UGT1A10: variants seen among roughly 807,000 people sequenced by gnomAD.
UGT1A10 encodes UDP-glucuronosyltransferase 1A10.
Under a neutral mutation model 45.8 loss-of-function variants are expected in UGT1A10, and 49 were observed. That is an observed-to-expected ratio of 1.07 (90% CI 0.85 to 1.36). The LOEUF (loss-of-function observed/expected upper bound fraction) is 1.36. Ranked by LOEUF, UGT1A10 falls within the 40% of genes most tolerant of loss-of-function variation. The probability of loss-of-function intolerance (pLI) is 0.00; values close to 1 mark genes in which losing one functional copy is unlikely to be tolerated. For synonymous variants in UGT1A10, 284 were observed against 249.7 expected, an observed-to-expected ratio of 1.14 and a Z score of -1.29; for missense variants, 745 against 668.6, an observed-to-expected ratio of 1.11 and a Z score of -1.26.
chr2:233,695,621 C>A (rs1180355344), intron 1 of UGT1A10, among the ~76,000 whole-genome samples: 1 of 152,022 alleles, frequency 6.6e-6, no homozygotes, highest in African/African-American at 2.4e-5. Context: ...GAACTCTCTA[C>A]CTCCATGAGA....
chr2:233,732,226 C>A (rs1208846132), intron 1 of UGT1A10, among the ~76,000 whole-genome samples: 1 of 152,142 alleles, frequency 6.6e-6, no homozygotes, highest in Non-Finnish European at 1.5e-5. Context: ...AAAATTTTCT[C>A]CCATTCTGTA....
chr2:233,645,113 G>A (rs771788760), intron 1 of UGT1A10, among the ~76,000 whole-genome samples: 3 of 152,112 alleles, frequency 2.0e-5, no homozygotes, highest in Non-Finnish European at 4.4e-5. Context: ...TCCCTTACTG[G>A]CAATGCATTT....
At chr2:233,719,039 A>G in intron 1 of UGT1A10, 1 of 1,614,110 alleles carries the variant, frequency 6.2e-7, no homozygotes, top group Non-Finnish European at 8.5e-7. Context: ...AAGAAGAGAA[A>G]TTTTTCACCC....
chr2:233,729,614 A>G, intron 1 of UGT1A10: 1 of 1,614,008 alleles, frequency 6.2e-7, no homozygotes, highest in Non-Finnish European at 8.5e-7. Flanking sequence ...GTGCTGGCTA[A>G]GTACCTGTCG....
rs747059242 is a variant in UGT1A10 at position 233,693,604 on chromosome 2, A to T, written c.855+56227A>T. The T allele has an allele frequency of 7.4e-6, 12 of 1,614,100 alleles. No individual in the cohort carries two copies. The South Asian group carries it at 1.2e-4, about 16-fold the overall frequency. On this transcript the variant is annotated intron_variant, in intron 1 of 4. Transcript: ENST00000344644. ...TTCCCAGGTGCTACACAAAGTTTTC[A>T]GACCACATGACTTTTTCCCAACGAG... is the stretch of plus-strand genomic sequence containing the variant.
At chr2:233,655,093 A>AAAAG (rs1355216846) in intron 1 of UGT1A10, among the ~76,000 whole-genome samples, 1 of 152,200 alleles carries the variant, frequency 6.6e-6, no homozygotes, top group Admixed American at 6.5e-5. Flanking sequence ...TCTCTCAAAA[A>AAAAG]AAAGAAAGAA....
intron 1 of UGT1A10, among the ~76,000 whole-genome samples, chr2:233,641,166 A>G (rs763525009): frequency 6.6e-6 from 1 of 152,072 alleles, no homozygotes; most frequent in East Asian, 1.9e-4. Flanking sequence ...CTTGCTGACT[A>G]TCTTGCAACA....
chr2:233,686,249 A>AT (rs142649436), intron 1 of UGT1A10, among the ~76,000 whole-genome samples: 328 of 149,594 alleles, frequency 2.2e-3, no homozygotes, highest in Admixed American at 5.4e-3. Context: ...GGTTTCTGAG[A>AT]TTTTTTTTTT....
intron 1 of UGT1A10, chr2:233,719,069 A>G (rs774814247): frequency 7.4e-6 from 12 of 1,614,284 alleles, no homozygotes; most frequent in South Asian, 1.1e-5. Flanking sequence ...ATGCTGTTCC[A>G]TGGACCCAGA....
At chr2:233,760,708 G>A in intron 1 of UGT1A10, 2 of 1,614,172 alleles carry the variant, frequency 1.2e-6, no homozygotes, top group East Asian at 2.2e-5. Context: ...GGCCTCCCTG[G>A]CAGAAAGCAG....
intron 1 of UGT1A10, among the ~76,000 whole-genome samples, chr2:233,678,196 A>G (rs928977464): frequency 1.3e-5 from 2 of 152,198 alleles, no homozygotes; most frequent in Non-Finnish European, 2.9e-5. Context: ...AAGAGTTGAA[A>G]AACTATTGGG....
At chr2:233,687,046 G>A (rs940789522) in intron 1 of UGT1A10, among the ~76,000 whole-genome samples, 1 of 152,158 alleles carries the variant, frequency 6.6e-6, no homozygotes, top group East Asian at 1.9e-4. Flanking sequence ...TTGAGCACGC[G>A]GACCCTGGAG....
At chr2:233,672,291 AT>A (rs773627969) in intron 1 of UGT1A10, 3 of 1,613,624 alleles carry the variant, frequency 1.9e-6, no homozygotes, top group Non-Finnish European at 2.5e-6. Context: ...TTTTTGACTT[AT>A]TTTTTTCAAA....
chr2:233,724,357 C>G (rs1187389478), intron 1 of UGT1A10, among the ~76,000 whole-genome samples: 134 of 144,268 alleles, frequency 9.3e-4, no homozygotes, highest in African/African-American at 3.3e-3. Context: ...CCACCTCCCT[C>G]CCGGACGGGG....
At chr2:233,638,122 T>C (rs1405132552) in intron 1 of UGT1A10, among the ~76,000 whole-genome samples, 1 of 152,212 alleles carries the variant, frequency 6.6e-6, no homozygotes, top group East Asian at 1.9e-4. Flanking sequence ...TTTTCCTGAA[T>C]TGAGAAGACT....
chr2:233,642,618 A>T (rs1221448536), intron 1 of UGT1A10, among the ~76,000 whole-genome samples: 1 of 152,142 alleles, frequency 6.6e-6, no homozygotes, highest in Non-Finnish European at 1.5e-5. Context: ...TTAGGTGTTT[A>T]TTGTAGTCTT....
chr2:233,746,942 A>C (rs1693513672), intron 1 of UGT1A10, among the ~76,000 whole-genome samples: 1 of 151,778 alleles, frequency 6.6e-6, no homozygotes, highest in South Asian at 2.1e-4. Context: ...ATTGGATGAG[A>C]AACAAGAGCT....
At position 233,758,850 on chromosome 2, in the gene UGT1A10, C is replaced by A. The variant is rs141810687; in HGVS notation, c.856-8184C>A. ...CAAAAAGAGTGTAATACTTCCAATT[C>A]TGGCTGCACAATACTTGCCCCATAG... On this transcript the variant is annotated intron_variant, in intron 1 of 4. Transcript: ENST00000344644. Among the ~76,000 whole-genome samples the A allele has an allele frequency of 4.5e-3, 678 of 152,282 alleles. 10 individuals are homozygous for A. The highest frequency in any genetic ancestry group is 0.015 in the African/African-American group (640 of 41,546).
intron 1 of UGT1A10, among the ~76,000 whole-genome samples, chr2:233,764,478 C>G (rs370150887): frequency 6.6e-6 from 1 of 152,082 alleles, no homozygotes; most frequent in Non-Finnish European, 1.5e-5. Context: ...TATTTAACTT[C>G]GAATGTTTAT....
Sources: allele counts gnomAD v4.1 joint callset (sites outside exome capture counted in the v4.1 genomes callset), GRCh38; gene constraint gnomAD v4.1.1; transcripts MANE v1.5; gene names NCBI Gene and HGNC (gene_info 2026-07-23, HGNC 2026-07-21).